The following C5 variants were observed in gnomAD, a reference collection of about 807,000 sequenced individuals.
The protein encoded by C5 is C3 and PZP-like alpha-2-macroglobulin domain-containing protein 4.
A neutral mutation model predicts 218.8 loss-of-function variants in C5; 140 were observed. The ratio of observed to expected loss-of-function variants is 0.64; its 90% CI spans 0.56 to 0.74. C5 has a LOEUF of 0.74. Ranked by LOEUF, C5 falls within the 30% of genes least tolerant of loss-of-function variation. The pLI, the probability that C5 is intolerant of heterozygous loss-of-function variation, is 0.00. For synonymous variants in C5, 614 were observed against 682.3 expected, an observed-to-expected ratio of 0.90 and a Z score of 1.56; for missense variants, 1,700 against 1,969.6, an observed-to-expected ratio of 0.86 and a Z score of 2.59.
chr9:121,025,839 G>T (rs1201824958), intron 8 of C5: 2 of 362,484 alleles, frequency 5.5e-6, no homozygotes, highest in Non-Finnish European at 1.0e-5. Flanking sequence ...TGACAAACAC[G>T]ACTTCTTCCA....
At chr9:120,983,513 T>G (rs1207490423) in intron 25 of C5, among the ~76,000 whole-genome samples, 2 of 152,154 alleles carry the variant, frequency 1.3e-5, no homozygotes, top group Non-Finnish European at 2.9e-5. Context: ...CTTCCCCCAC[T>G]TAAAAAATTT....
intron 33 of C5, among the ~76,000 whole-genome samples, chr9:120,968,102 A>G (rs2046882967): frequency 6.6e-6 from 1 of 152,134 alleles, no homozygotes; most frequent in South Asian, 2.1e-4. Flanking sequence ...TCCATGTCCT[A>G]ATCCCCTGAA....
chr9:121,025,549 T>C lies in C5; in HGVS notation c.905A>G (p.Asp302Gly). 5 of 1,613,074 alleles carry C rather than the reference T, an allele frequency of 3.1e-6. No homozygotes were observed. Among genetic ancestry groups the C allele is most frequent in the Non-Finnish European group, 3.4e-6 (4 of 1,179,716 alleles). The change falls in exon 9 of 41, where the codon GAT (aspartate) becomes GGT (glycine). Residue 302 changes from aspartate (D) to glycine (G), a missense_variant. Coordinates refer to ENST00000223642, the MANE Select transcript of C5 (RefSeq NM_001735.3). ...LINGIAQVTF[D>G]SETAVKELSY... ...CAGTTCTTTGACTGCTGTTTCAGAATCAAATGTGACTTGAGCAATTCCATT... is the reference window on the plus strand; with the variant it reads ...CAGTTCTTTGACTGCTGTTTCAGAACCAAATGTGACTTGAGCAATTCCATT...
At chr9:120,970,970 G>C (rs1025013082) in intron 31 of C5, among the ~76,000 whole-genome samples, 2 of 152,118 alleles carry the variant, frequency 1.3e-5, no homozygotes, top group African/African-American at 4.8e-5. Flanking sequence ...TCAGGAGTTT[G>C]AGACCAGCCT....
intron 3 of C5, among the ~76,000 whole-genome samples, chr9:121,039,166 A>G (rs2047555395): frequency 6.6e-6 from 1 of 152,218 alleles, no homozygotes; most frequent in South Asian, 2.1e-4. Context: ...TAAATAATGC[A>G]AAGCTTTTGC....
At chr9:121,072,254 T>A in the C5 span, among the ~76,000 whole-genome samples, 1 of 152,152 alleles carries the variant, frequency 6.6e-6, no homozygotes, top group African/African-American at 2.4e-5. Flanking sequence ...CTGGACTTTT[T>A]ATGTATATTT....
intron 3 of C5, among the ~76,000 whole-genome samples, chr9:121,041,806 A>C (rs575473088): frequency 1.7e-4 from 26 of 152,342 alleles, no homozygotes; most frequent in African/African-American, 6.3e-4. Context: ...CTTTGTGGGC[A>C]GAGACTATTT....
chr9:121,065,895 G>A, the C5 span, among the ~76,000 whole-genome samples: 1 of 152,030 alleles, frequency 6.6e-6, no homozygotes, highest in Non-Finnish European at 1.5e-5. Context: ...TAAAGAAACT[G>A]TAAGAAAACA....
chr9:121,065,991 C>T, the C5 span, among the ~76,000 whole-genome samples: 1 of 152,002 alleles, frequency 6.6e-6, no homozygotes, highest in Non-Finnish European at 1.5e-5. Flanking sequence ...AAAAGTTAGA[C>T]ATTTTTGAAA....
chr9:121,002,306 ATATGTG>A (rs1481423509), intron 20 of C5, among the ~76,000 whole-genome samples: 1,221 of 82,288 alleles, frequency 0.015, 38 homozygotes, highest in African/African-American at 0.046. Flanking sequence ...ATGTATATAT[ATATGTG>A]TGTGTATATA....
At chr9:121,012,011 CA>C (rs1360226564) in intron 17 of C5, among the ~76,000 whole-genome samples, 1 of 151,658 alleles carries the variant, frequency 6.6e-6, no homozygotes, top group Non-Finnish European at 1.5e-5. Flanking sequence ...TTTATGGGTA[CA>C]AAAAATAGAA....
At position 120,971,996 on chromosome 9, in the gene C5, G is replaced by A. The variant is rs1478166675; in HGVS notation, c.4018-4C>T. The A allele has an allele frequency of 1.2e-6, 2 of 1,605,088 alleles. No individual in the cohort carries two copies. Among genetic ancestry groups the A allele is most frequent in the South Asian group, 2.2e-5 (2 of 91,038 alleles). ...TGAGGTCATCATTGAGAAGCACCTG[G>A]AAAGATAATAGAGAAACAAACCATG... On this transcript the variant is annotated splice_region_variant and splice_polypyrimidine_tract_variant and intron_variant, in intron 30 of 40. Coordinates refer to ENST00000223642, the MANE Select transcript of C5 (RefSeq NM_001735.3).
intron 31 of C5, among the ~76,000 whole-genome samples, chr9:120,971,442 A>AT (rs1239974171): frequency 1.3e-5 from 2 of 152,116 alleles, no homozygotes; most frequent in East Asian, 1.9e-4. Context: ...TAAGGATTAA[A>AT]TTTTTTTGTG....
At chr9:120,964,208 T>C (rs2046849426) in intron 33 of C5, among the ~76,000 whole-genome samples, 1 of 152,278 alleles carries the variant, frequency 6.6e-6, no homozygotes, top group South Asian at 2.1e-4. Flanking sequence ...CAAGGCACGG[T>C]GGCTTACGCC....
At chr9:121,059,846 C>T in the C5 span, among the ~76,000 whole-genome samples, 9 of 152,212 alleles carry the variant, frequency 5.9e-5, no homozygotes, top group Non-Finnish European at 1.0e-4. The surrounding 1 kb of genome is among the most constrained non-coding windows in gnomAD (Gnocchi z 4.1). Flanking sequence ...CGCCCAGAGC[C>T]ATGTGAAGTG....
intron 36 of C5, among the ~76,000 whole-genome samples, chr9:120,962,218 T>A (rs1435230177): frequency 6.6e-6 from 1 of 152,172 alleles, no homozygotes; most frequent in Non-Finnish European, 1.5e-5. Context: ...GAAAACACCC[T>A]GGGGTTGATG....
intron 3 of C5, among the ~76,000 whole-genome samples, chr9:121,040,776 C>G (rs2131814610): frequency 6.6e-6 from 1 of 152,232 alleles, no homozygotes; most frequent in South Asian, 2.1e-4. Flanking sequence ...CAGGGTCATA[C>G]AGCTCACAGC....
At chr9:121,068,784 C>T in the C5 span, among the ~76,000 whole-genome samples, 1 of 152,104 alleles carries the variant, frequency 6.6e-6, no homozygotes, top group Non-Finnish European at 1.5e-5. Flanking sequence ...AACAGATAGC[C>T]AGACAAATGA....
chr9:121,074,669 G>A, the C5 span: 2 of 381,182 alleles, frequency 5.2e-6, no homozygotes, highest in Non-Finnish European at 1.0e-5. Context: ...GGCGGCGGCA[G>A]CTTTGTCTCA....
Sources: gnomAD v4.1 joint callset for allele counts (sites outside exome capture counted in the v4.1 genomes callset) on GRCh38, gnomAD v4.1.1 for gene constraint, Gnocchi (gnomAD v3.1) non-coding constraint, MANE v1.5 for transcripts, NCBI Gene and HGNC (gene_info 2026-07-23, HGNC 2026-07-21) for gene names.